GRID2: variants seen among roughly 807,000 people sequenced by gnomAD.
GRID2 encodes the protein glutamate ionotropic receptor delta type subunit 2, also known as glutamate receptor ionotropic, delta-2.
In GRID2, 33 loss-of-function variants were observed where a neutral mutation model predicts 114.8. The ratio of observed to expected loss-of-function variants is 0.29; its 90% CI spans 0.22 to 0.38. The LOEUF (loss-of-function observed/expected upper bound fraction) is 0.38. GRID2 is among the 10% of genes least tolerant of loss of function. The pLI, the probability that GRID2 is intolerant of heterozygous loss-of-function variation, is 1.00. For synonymous variants in GRID2, 505 were observed against 449.9 expected, an observed-to-expected ratio of 1.12 and a Z score of -1.55; for missense variants, 1,184 against 1,257.7, an observed-to-expected ratio of 0.94 and a Z score of 0.89.
chr4:92,740,596 A>G (rs985999287), intron 2 of GRID2, among the ~76,000 whole-genome samples: 3 of 152,180 alleles, frequency 2.0e-5, no homozygotes, highest in African/African-American at 7.2e-5. Flanking sequence ...TGACAATTTT[A>G]TAATTAATCT....
chr4:92,718,493 A>G (rs1481444552), intron 2 of GRID2, among the ~76,000 whole-genome samples: 2 of 152,102 alleles, frequency 1.3e-5, no homozygotes, highest in African/African-American at 4.8e-5. Flanking sequence ...CAGGCCAGGA[A>G]TGGTGGCTAA....
intron 4 of GRID2, among the ~76,000 whole-genome samples, chr4:93,167,374 A>G (rs1405108966): frequency 6.6e-6 from 1 of 152,156 alleles, no homozygotes; most frequent in Non-Finnish European, 1.5e-5. Flanking sequence ...TTTGACTTCA[A>G]CAACTATCAA....
intron 11 of GRID2, among the ~76,000 whole-genome samples, chr4:93,472,981 T>A (rs1331461519): frequency 1.3e-5 from 2 of 152,212 alleles, no homozygotes; most frequent in Non-Finnish European, 2.9e-5. Context: ...TAGTGCCTGA[T>A]GGAGTGTCAA....
In GRID2 at chr4:93,144,014, A is replaced by G. The variant is rs928082162; in HGVS notation, c.735+33061A>G. On this transcript the variant is annotated intron_variant, in intron 4 of 15. Transcript: ENST00000282020. ...AAAGACAAACGTTATAATGTAATAC[A>G]TTTCCTCTAATGCAAAATTAGCATG... Among the ~76,000 whole-genome samples, 51 of 152,244 alleles carry G rather than the reference A, an allele frequency of 3.3e-4. No individual in the cohort carries two copies. In the South Asian group the frequency reaches 3.9e-3, roughly 12 times the overall value.
chr4:93,521,499 ACTGT>A (rs1730333478), intron 13 of GRID2, among the ~76,000 whole-genome samples: 3 of 152,166 alleles, frequency 2.0e-5, no homozygotes, highest in Non-Finnish European at 4.4e-5. Flanking sequence ...CAGAGGATCA[ACTGT>A]CTGTCAAATG....
Position 92,685,394 on chromosome 4 carries a change from C to T in GRID2, c.244+95108C>T, listed in dbSNP as rs192233686. ...TATAGTAGAGAAATGGGGTTTACTTCCTGGAAGAATCAGGGAAGGATGAAG... is the reference window on the plus strand; with the variant it reads ...TATAGTAGAGAAATGGGGTTTACTTTCTGGAAGAATCAGGGAAGGATGAAG... On this transcript the variant is annotated intron_variant, in intron 2 of 15. Coordinates refer to ENST00000282020, the MANE Select transcript of GRID2 (RefSeq NM_001510.4). 2.6e-5 allele frequency among the ~76,000 whole-genome samples: 4 copies of T among 152,012 alleles called. No homozygotes were observed. In the East Asian group the frequency reaches 5.8e-4, roughly 22 times the overall value.
chr4:93,181,872 T>A (rs1015834098), intron 4 of GRID2, among the ~76,000 whole-genome samples: 12 of 152,206 alleles, frequency 7.9e-5, no homozygotes, highest in Admixed American at 6.5e-4. Flanking sequence ...GATTTTAAAA[T>A]ATAGTGTAAC....
chr4:93,365,794 A>G (rs1762282060), intron 8 of GRID2, among the ~76,000 whole-genome samples: 2 of 152,128 alleles, frequency 1.3e-5, no homozygotes, highest in Admixed American at 1.3e-4. Flanking sequence ...GAAGTCAGGG[A>G]CCCCAAATGG....
chr4:93,596,108 A>G (rs1413538497), intron 13 of GRID2, among the ~76,000 whole-genome samples: 2 of 152,164 alleles, frequency 1.3e-5, no homozygotes, highest in Admixed American at 6.5e-5. Flanking sequence ...CTAATTTCCT[A>G]TTGCCTTGTG....
At chr4:92,665,655 A>G (rs532537063) in intron 2 of GRID2, among the ~76,000 whole-genome samples, 26 of 149,260 alleles carry the variant, frequency 1.7e-4, no homozygotes, top group Non-Finnish European at 3.1e-4. Flanking sequence ...GAATTTTTTT[A>G]TTTTTCTCTA....
intron 1 of GRID2, among the ~76,000 whole-genome samples, chr4:92,541,273 CCTTAAA>C (rs1009634096): frequency 6.0e-5 from 9 of 151,108 alleles, no homozygotes; most frequent in Admixed American, 1.3e-4. Context: ...GCACATGTAC[CCTTAAA>C]CTTAAAGTAT....
chr4:93,194,012 C>A (rs1023174489), intron 4 of GRID2, among the ~76,000 whole-genome samples: 1 of 152,140 alleles, frequency 6.6e-6, no homozygotes, highest in Non-Finnish European at 1.5e-5. Context: ...AGAATTTTTT[C>A]TCTTTATCTG....
intron 2 of GRID2, among the ~76,000 whole-genome samples, chr4:93,000,806 A>G (rs1049081308): frequency 2.7e-5 from 1 of 37,454 alleles, no homozygotes; most frequent in Non-Finnish European, 5.0e-5. Flanking sequence ...GGACTCTAAA[A>G]TTGGGGAGGG....
chr4:92,771,042 C>G (rs947516712), intron 2 of GRID2, among the ~76,000 whole-genome samples: 3 of 149,286 alleles, frequency 2.0e-5, no homozygotes, highest in African/African-American at 7.3e-5. Flanking sequence ...GTGGATTATT[C>G]TCCTTTTTTG....
intron 4 of GRID2, among the ~76,000 whole-genome samples, chr4:93,163,331 T>C (rs1354213045): frequency 7.3e-6 from 1 of 137,732 alleles, no homozygotes; most frequent in East Asian, 2.1e-4. Flanking sequence ...ATGCCTTTAT[T>C]TTCCACTTCT....
chr4:92,788,328 A>C (rs2149362762), intron 2 of GRID2, among the ~76,000 whole-genome samples: 1 of 152,040 alleles, frequency 6.6e-6, no homozygotes, highest in African/African-American at 2.4e-5. Flanking sequence ...TAGCAAGAGC[A>C]GGTGTTATAG....
At position 92,836,685 on chromosome 4, in the gene GRID2, A is replaced by T. The variant is rs146801738; in HGVS notation, c.244+246399A>T. Among the ~76,000 whole-genome samples, 654 of 152,284 alleles carry T rather than the reference A, an allele frequency of 4.3e-3. 23 individuals are homozygous for T. The East Asian group carries it at 0.069, about 16-fold the overall frequency. Reference sequence around the variant, plus strand: ...AGGAGATATTAGAGCATGTAGGCTGAGTAGAAAGACGGCCCTAGCCTAGTA... The same window carrying T: ...AGGAGATATTAGAGCATGTAGGCTGTGTAGAAAGACGGCCCTAGCCTAGTA... On this transcript the variant is annotated intron_variant, in intron 2 of 15. Transcript: ENST00000282020.
At chr4:92,520,601 G>A (rs1724721353) in intron 1 of GRID2, among the ~76,000 whole-genome samples, 2 of 151,896 alleles carry the variant, frequency 1.3e-5, no homozygotes, top group Admixed American at 1.3e-4. Context: ...ACAGGGAATG[G>A]TATGCTAATA....
intron 2 of GRID2, among the ~76,000 whole-genome samples, chr4:92,749,621 G>A (rs1483184573): frequency 6.6e-6 from 1 of 152,070 alleles, no homozygotes; most frequent in East Asian, 1.9e-4. Flanking sequence ...GACAGTAGAT[G>A]CGCTGGTATT....
Sources: allele counts gnomAD v4.1 joint callset (sites outside exome capture counted in the v4.1 genomes callset), GRCh38; gene constraint gnomAD v4.1.1; transcripts MANE v1.5; gene names NCBI Gene and HGNC (gene_info 2026-07-23, HGNC 2026-07-21).